DPYD: variants seen among roughly 807,000 people sequenced by gnomAD.
DPYD encodes the protein dihydropyrimidine dehydrogenase.
In DPYD, 109 loss-of-function variants were observed where a neutral mutation model predicts 116.2. The ratio of observed to expected loss-of-function variants is 0.94; its 90% CI spans 0.80 to 1.10. The LOEUF (loss-of-function observed/expected upper bound fraction) is 1.10, where lower values mean the gene tolerates loss of function less well. Among genes scored for constraint, DPYD ranks in the 50% least tolerant of loss-of-function variants. The pLI is 0.00. For missense variants in DPYD, 1,302 were observed against 1,254.5 expected (o/e 1.04, Z -0.57); for synonymous variants, 440 against 432.0 (o/e 1.02, Z -0.23).
intron 3 of DPYD, among the ~76,000 whole-genome samples, chr1:97,792,381 C>A (rs962924730): frequency 1.3e-5 from 2 of 151,828 alleles, no homozygotes; most frequent in Non-Finnish European, 2.9e-5. Flanking sequence ...TCAAGCAATT[C>A]TCTCTGCTTC....
At chr1:97,349,598 T>C (rs1259570808) in intron 16 of DPYD, among the ~76,000 whole-genome samples, 1 of 152,076 alleles carries the variant, frequency 6.6e-6, no homozygotes, top group East Asian at 1.9e-4. Flanking sequence ...AATGCGGTGT[T>C]TGGTTTTTTG....
In DPYD at chr1:97,708,613, T is replaced by G. The variant is rs1261322104; in HGVS notation, c.484-9066A>C. 2.6e-5 allele frequency among the ~76,000 whole-genome samples: 4 copies of G among 152,138 alleles called. No homozygotes were observed. The East Asian group carries it at 7.8e-4, about 29-fold the overall frequency. The stretch of plus-strand genomic sequence containing the variant: ...TCCAACTTTGTTGTTCTATATTATG[T>G]TGGTTAATCTTTTGCCTCTCTATAT... On this transcript the variant is annotated intron_variant, in intron 5 of 22. Coordinates refer to ENST00000370192, the MANE Select transcript of DPYD (RefSeq NM_000110.4).
At chr1:97,894,127 T>C (rs1023410833) in intron 1 of DPYD, among the ~76,000 whole-genome samples, 4 of 151,814 alleles carry the variant, frequency 2.6e-5, no homozygotes, top group African/African-American at 4.8e-5. Flanking sequence ...GCCTGACAAT[T>C]TGGTTCCAGG....
intron 2 of DPYD, among the ~76,000 whole-genome samples, chr1:97,881,385 A>C: frequency 6.6e-6 from 1 of 151,996 alleles, no homozygotes; most frequent in Non-Finnish European, 1.5e-5. Context: ...TGAGAAAATA[A>C]GTCTCTGTTG....
chr1:97,537,149 T>A (rs182150783), intron 12 of DPYD, among the ~76,000 whole-genome samples: 25 of 152,352 alleles, frequency 1.6e-4, no homozygotes, highest in Admixed American at 2.6e-4. Flanking sequence ...TCTTGTAAGT[T>A]TGTTTTCTAA....
chr1:97,665,983 AT>A, intron 8 of DPYD, among the ~76,000 whole-genome samples: 1 of 152,358 alleles, frequency 6.6e-6, no homozygotes, highest in East Asian at 1.9e-4. Context: ...AAGAGGTTTT[AT>A]AGAAGTCCTA....
At chr1:97,656,782 T>C (rs1361037888) in intron 8 of DPYD, among the ~76,000 whole-genome samples, 1 of 152,058 alleles carries the variant, frequency 6.6e-6, no homozygotes, top group Non-Finnish European at 1.5e-5. Context: ...ATCGATAAAT[T>C]GTATCATACT....
intron 4 of DPYD, among the ~76,000 whole-genome samples, chr1:97,723,309 G>C (rs1663028502): frequency 6.6e-6 from 1 of 151,410 alleles, no homozygotes; most frequent in African/African-American, 2.4e-5. Flanking sequence ...AAATATAAAG[G>C]GTAAATAATT....
chr1:97,704,493 A>G (rs1412162461), intron 5 of DPYD, among the ~76,000 whole-genome samples: 1 of 152,100 alleles, frequency 6.6e-6, no homozygotes, highest in Middle Eastern at 3.2e-3. Context: ...AAAACAAATT[A>G]CAAAATTTAA....
intron 3 of DPYD, among the ~76,000 whole-genome samples, chr1:97,792,279 ATT>A (rs551797517): frequency 6.8e-6 from 1 of 146,756 alleles, no homozygotes; most frequent in African/African-American, 2.5e-5. Context: ...TTTTTATTTT[ATT>A]TTTTTTTTTT....
chr1:97,405,516 T>A (rs1273277386), intron 14 of DPYD, among the ~76,000 whole-genome samples: 1 of 152,062 alleles, frequency 6.6e-6, no homozygotes, highest in Admixed American at 6.6e-5. Flanking sequence ...ATTTATTTAT[T>A]CTTTTGTTTG....
chr1:97,244,776 T>C (rs1369004245), intron 18 of DPYD, among the ~76,000 whole-genome samples: 5 of 152,062 alleles, frequency 3.3e-5, no homozygotes, highest in Non-Finnish European at 5.9e-5. Flanking sequence ...GTACTTTTAC[T>C]TTAAAAATGG....
intron 18 of DPYD, among the ~76,000 whole-genome samples, chr1:97,284,896 C>A (rs977410937): frequency 1.9e-4 from 29 of 152,190 alleles, no homozygotes; most frequent in African/African-American, 6.7e-4. Context: ...ATTGTCTTTC[C>A]ATTTCCCACG....
intron 7 of DPYD, among the ~76,000 whole-genome samples, chr1:97,686,642 A>C (rs1417370591): frequency 6.8e-6 from 1 of 146,754 alleles, no homozygotes; most frequent in African/African-American, 2.5e-5. Context: ...GTCTCAAAAA[A>C]AAAAAAAAAA....
intron 4 of DPYD, among the ~76,000 whole-genome samples, chr1:97,730,926 T>A (rs1437580126): frequency 6.6e-6 from 1 of 152,026 alleles, no homozygotes; most frequent in Non-Finnish European, 1.5e-5. Flanking sequence ...ACAATTTCAT[T>A]TATGAATATT....
intron 1 of DPYD, among the ~76,000 whole-genome samples, chr1:97,884,548 T>C (rs1217720610): frequency 2.0e-5 from 3 of 152,078 alleles, no homozygotes; most frequent in African/African-American, 4.8e-5. Flanking sequence ...AATTAAAAAG[T>C]GGCAGCTGAG....
intron 1 of DPYD, among the ~76,000 whole-genome samples, chr1:97,903,040 A>G (rs1388347314): frequency 1.3e-5 from 2 of 151,888 alleles, no homozygotes. Flanking sequence ...GCTGGCACAG[A>G]AGAGAATTTG....
Position 97,549,577 on chromosome 1 carries a change from T to A in DPYD, c.1507A>T (p.Ile503Phe), listed in dbSNP as rs751104498. The change falls in exon 12 of 23, where the codon ATT becomes TTT. Residue 503 changes from isoleucine (I) to phenylalanine (F), a missense_variant. Physicochemically the swap from Ile to Phe is conservative, Grantham distance 21 (BLOSUM62 0). Transcript: ENST00000370192. The stretch of plus-strand genomic sequence containing the variant: ...ATGCCTACCTGTACGTATTTGTGAA[T>A]GTACCAAGAAGCTTGCTTTCCATCA... ...VNDGKQASWYIHKYVQSQYGA... is the reference protein window; with the variant it reads ...VNDGKQASWYFHKYVQSQYGA... The A allele has an allele frequency of 6.2e-7, 1 of 1,613,734 alleles. No homozygotes were observed. Among genetic ancestry groups the A allele is most frequent in the African/African-American group, 1.3e-5 (1 of 74,924 alleles).
intron 3 of DPYD, among the ~76,000 whole-genome samples, chr1:97,812,776 G>A (rs976774143): frequency 6.6e-6 from 1 of 152,012 alleles, no homozygotes; most frequent in African/African-American, 2.4e-5. Context: ...TTATTAGTTT[G>A]CTCATATTAA....
Sources: allele counts gnomAD v4.1 joint callset (sites outside exome capture counted in the v4.1 genomes callset), GRCh38; gene constraint gnomAD v4.1.1; transcripts MANE v1.5; gene names NCBI Gene and HGNC (gene_info 2026-07-23, HGNC 2026-07-21).